ARHGEF38: variants seen among roughly 807,000 people sequenced by gnomAD.
ARHGEF38 encodes Rho guanine nucleotide exchange factor (GEF) 38.
A neutral mutation model predicts 79.9 loss-of-function variants in ARHGEF38; 79 were observed. The observed-to-expected ratio is 0.99, with a 90% CI of 0.82 to 1.19. The LOEUF (loss-of-function observed/expected upper bound fraction) is 1.19, where lower values mean the gene tolerates loss of function less well. ARHGEF38 is among the 50% of genes most tolerant of loss of function. The pLI is 0.00. For missense variants in ARHGEF38, 962 were observed against 907.2 expected, an observed-to-expected ratio of 1.06 and a Z score of -0.78; for synonymous variants, 366 against 328.3, an observed-to-expected ratio of 1.11 and a Z score of -1.24.
intron 4 of ARHGEF38, among the ~76,000 whole-genome samples, chr4:105,632,155 A>G (rs1264364210): frequency 6.6e-6 from 1 of 152,218 alleles, no homozygotes; most frequent in African/African-American, 2.4e-5. Context: ...TGAGTTTAAA[A>G]TGAGCCCAGT....
At chr4:105,673,667 G>T (rs1244874273) in intron 13 of ARHGEF38, among the ~76,000 whole-genome samples, 1 of 151,860 alleles carries the variant, frequency 6.6e-6, no homozygotes, top group African/African-American at 2.4e-5. Flanking sequence ...ACTTCAGGTA[G>T]GTAGGTAGAA....
chr4:105,622,209 A>G (rs1340780615), intron 3 of ARHGEF38, among the ~76,000 whole-genome samples: 1 of 152,308 alleles, frequency 6.6e-6, no homozygotes, highest in African/African-American at 2.4e-5. Flanking sequence ...GGAGCCTGCC[A>G]GTGGAAGTCA....
chr4:105,665,781 G>T (rs2110574972), intron 10 of ARHGEF38, among the ~76,000 whole-genome samples: 1 of 152,206 alleles, frequency 6.6e-6, no homozygotes, highest in African/African-American at 2.4e-5. Flanking sequence ...TTTCTTTGTA[G>T]GAAGCAATGT....
intron 5 of ARHGEF38, 99 bp from the exon 6 acceptor site, chr4:105,645,087 AAG>A: frequency 1.1e-6 from 1 of 938,290 alleles, no homozygotes; most frequent in South Asian, 4.2e-5. Context: ...AAATGAAAAA[AAG>A]AGAAAATGTT....
intron 5 of ARHGEF38, among the ~76,000 whole-genome samples, chr4:105,642,549 A>G (rs1729663928): frequency 3.3e-5 from 5 of 152,158 alleles, no homozygotes; most frequent in Admixed American, 2.6e-4. Flanking sequence ...AGCAGTTCTT[A>G]ACATTTAAAG....
chr4:105,557,841 C>A (rs1022954658), intron 1 of ARHGEF38, among the ~76,000 whole-genome samples: 4 of 152,062 alleles, frequency 2.6e-5, no homozygotes, highest in Non-Finnish European at 4.4e-5. Context: ...CCAAACCAAC[C>A]AAGACGGGTC....
chr4:105,677,068 A>G (rs1483591550), intron 13 of ARHGEF38, among the ~76,000 whole-genome samples: 1 of 151,670 alleles, frequency 6.6e-6, no homozygotes, highest in African/African-American at 2.4e-5. Context: ...GGTTCAAGCT[A>G]TTCTCCTGCC....
intron 10 of ARHGEF38, among the ~76,000 whole-genome samples, chr4:105,662,985 C>T (rs2110570303): frequency 6.6e-6 from 1 of 152,186 alleles, no homozygotes; most frequent in African/African-American, 2.4e-5. Flanking sequence ...GAGAAGTTAT[C>T]CTCATTAAAA....
intron 1 of ARHGEF38, among the ~76,000 whole-genome samples, chr4:105,573,343 A>G (rs1421782391): frequency 2.0e-5 from 3 of 152,062 alleles, no homozygotes; most frequent in Admixed American, 6.6e-5. Context: ...TTTTTGCCCT[A>G]TGTTTTCCTT....
Position 105,669,341 on chromosome 4 carries a change from G to A in ARHGEF38, c.2148+1638G>A, listed in dbSNP as rs563450152. Among the ~76,000 whole-genome samples, 196 of 152,174 alleles carry A rather than the reference G, an allele frequency of 1.3e-3. 2 individuals carry two copies. In the South Asian group the frequency reaches 0.014, roughly 11 times the overall value. On this transcript the variant is annotated intron_variant, in intron 13 of 13. Coordinates refer to ENST00000420470, the MANE Select transcript of ARHGEF38 (RefSeq NM_001242729.2). ...CAGCCTAATAATAGATACATAGAAC[G>A]TTTTGGGCTTTTAAAAAATTTCAAA...
Position 105,636,419 on chromosome 4 carries a change from G to A in ARHGEF38, c.673G>A (p.Glu225Lys), listed in dbSNP as rs1198601831. 3 of 437,820 alleles carry A rather than the reference G, an allele frequency of 6.9e-6. No individual in the cohort carries two copies. Among genetic ancestry groups the A allele is most frequent in the Admixed American group, 9.5e-5 (2 of 20,994 alleles). The allele number at this position is 437,820 out of a possible 1,614,324, so 27.1% of individuals were successfully genotyped here. A position where few individuals can be genotyped will look rare whatever the true frequency, so the allele number is the denominator to read the frequency against. ...CTCTTACAGGAAAATATACATGCAA[G>A]AGTAAGTACTTTTTAAAATAATATA... ...IQSLKKIYMQ[E>K]GKPNLLDMGS... The change falls in exon 5 of 14, where the codon GAA becomes AAA. Residue 225 changes from glutamate to lysine, a missense_variant and splice_region_variant. Coordinates refer to ENST00000420470, the MANE Select transcript of ARHGEF38 (RefSeq NM_001242729.2).
At chr4:105,673,557 TA>T (rs1286450240) in intron 13 of ARHGEF38, among the ~76,000 whole-genome samples, 1 of 152,136 alleles carries the variant, frequency 6.6e-6, no homozygotes, top group Non-Finnish European at 1.5e-5. Context: ...AGAAAGTGCT[TA>T]AAAAAGTCAG....
At chr4:105,659,793 A>G (rs1730488626) in intron 10 of ARHGEF38, among the ~76,000 whole-genome samples, 1 of 152,020 alleles carries the variant, frequency 6.6e-6, no homozygotes. Flanking sequence ...GCAGGATAAC[A>G]TTCAAACCAT....
chr4:105,579,801 GAAT>G (rs1303413282), intron 1 of ARHGEF38, among the ~76,000 whole-genome samples: 1 of 152,100 alleles, frequency 6.6e-6, no homozygotes, highest in Non-Finnish European at 1.5e-5. Context: ...GCTTCGGTAG[GAAT>G]AATATCAGCT....
chr4:105,590,443 C>G (rs999938382), intron 2 of ARHGEF38, among the ~76,000 whole-genome samples: 2 of 152,220 alleles, frequency 1.3e-5, no homozygotes, highest in Non-Finnish European at 2.9e-5. Flanking sequence ...CATATCCCCT[C>G]AGACATCTAT....
chr4:105,591,485 TC>T (rs1727336707), intron 2 of ARHGEF38, among the ~76,000 whole-genome samples: 1 of 152,162 alleles, frequency 6.6e-6, no homozygotes, highest in Admixed American at 6.5e-5. Context: ...CGACTTGGCC[TC>T]CCAAAGTGCT....
rs143793251 is a variant in ARHGEF38, at chr4:105,578,855, A to G, written c.197-10393A>G. Among the ~76,000 whole-genome samples the G allele has an allele frequency of 2.8e-3, 420 of 152,244 alleles. 2 individuals carry two copies. Among genetic ancestry groups the G allele is most frequent in the Middle Eastern group, 0.014 (4 of 294 alleles). ...ATTTGGTTTGTGATTTTTTTAATCCATTATGCCAATCTGTATATTTTAAGT... is the reference window on the plus strand; with the variant it reads ...ATTTGGTTTGTGATTTTTTTAATCCGTTATGCCAATCTGTATATTTTAAGT... On this transcript the variant is annotated intron_variant, in intron 1 of 13. Transcript: ENST00000420470.
intron 1 of ARHGEF38, among the ~76,000 whole-genome samples, chr4:105,557,301 C>T (rs566888948): frequency 6.6e-6 from 1 of 151,728 alleles, no homozygotes; most frequent in Non-Finnish European, 1.5e-5. Flanking sequence ...CGTGTGTGTA[C>T]TTGAGACACT....
intron 2 of ARHGEF38, among the ~76,000 whole-genome samples, chr4:105,602,791 G>A (rs570215177): frequency 6.6e-6 from 1 of 152,186 alleles, no homozygotes; most frequent in East Asian, 1.9e-4. Flanking sequence ...ATTGATTTGG[G>A]CACCTTGGAT....
Sources: allele counts gnomAD v4.1 joint callset (sites outside exome capture counted in the v4.1 genomes callset), GRCh38; gene constraint gnomAD v4.1.1; transcripts MANE v1.5; gene names NCBI Gene and HGNC (gene_info 2026-07-23, HGNC 2026-07-21).